FGF14: variants seen among roughly 807,000 people sequenced by gnomAD.
FGF14 encodes fibroblast growth factor 14, also known as fibroblast growth factor homologous factor 4.
A neutral mutation model predicts 25.5 loss-of-function variants in FGF14; 5 were observed. The ratio of observed to expected loss-of-function variants is 0.20; its 90% CI spans 0.10 to 0.41. The LOEUF is 0.41. FGF14 is among the 10% of genes least tolerant of loss of function. The pLI is 1.00. For synonymous variants in FGF14, 138 were observed against 118.3 expected (o/e 1.17, Z -1.08); for missense variants, 222 against 320.1 (o/e 0.69, Z 2.34).
intron 1 of FGF14, among the ~76,000 whole-genome samples, chr13:102,067,108 C>A (rs540287859): frequency 1.3e-5 from 2 of 152,272 alleles, no homozygotes; most frequent in Admixed American, 6.5e-5. Context: ...CATTTTCCCC[C>A]ACATCCTCAT....
chr13:101,777,913 G>A (rs9518539), intron 3 of FGF14, among the ~76,000 whole-genome samples: 60,116 of 151,840 alleles, frequency 0.4, 12,520 homozygotes, highest in East Asian at 0.74. Flanking sequence ...GCAGTGAGCC[G>A]AGATCGCACC....
intron 3 of FGF14, among the ~76,000 whole-genome samples, chr13:101,853,828 C>T (rs1270232113): frequency 1.3e-5 from 2 of 151,996 alleles, no homozygotes; most frequent in Admixed American, 1.3e-4. Flanking sequence ...AAAAAAATTA[C>T]AGACTGATAC....
At chr13:101,846,318 A>G (rs1040419034) in intron 3 of FGF14, among the ~76,000 whole-genome samples, 2 of 152,006 alleles carry the variant, frequency 1.3e-5, no homozygotes, top group African/African-American at 4.8e-5. Flanking sequence ...TTTTAAAAAA[A>G]AAATCATCAG....
intron 1 of FGF14, among the ~76,000 whole-genome samples, chr13:102,172,430 AAAG>A (rs569883000): frequency 2.2e-4 from 34 of 152,252 alleles, no homozygotes; most frequent in East Asian, 7.8e-4. Flanking sequence ...TTGCTGCAGA[AAAG>A]AAGGAGAATT....
intron 3 of FGF14, among the ~76,000 whole-genome samples, chr13:101,811,235 C>A (rs1011088328): frequency 3.3e-5 from 5 of 152,174 alleles, no homozygotes; most frequent in Non-Finnish European, 5.9e-5. Flanking sequence ...AATATTTTCA[C>A]TGAAGTGAAA....
intron 1 of FGF14, among the ~76,000 whole-genome samples, chr13:102,336,110 C>T (rs909744244): frequency 2.0e-5 from 3 of 152,076 alleles, no homozygotes; most frequent in East Asian, 1.9e-4. Flanking sequence ...GCATGTCTCT[C>T]GCTTTAAATA....
intron 1 of FGF14, among the ~76,000 whole-genome samples, chr13:102,322,916 AC>A (rs781516195): frequency 6.6e-6 from 1 of 152,176 alleles, no homozygotes; most frequent in Non-Finnish European, 1.5e-5. Context: ...GATATTGAAA[AC>A]AAAACAAAGT....
chr13:101,766,659 T>C (rs1377728939), intron 3 of FGF14, among the ~76,000 whole-genome samples: 2 of 152,156 alleles, frequency 1.3e-5, no homozygotes, highest in African/African-American at 4.8e-5. Flanking sequence ...AATATGACTT[T>C]ATGTGGAAAT....
intron 1 of FGF14, among the ~76,000 whole-genome samples, chr13:102,378,479 C>T (rs2058091905): frequency 6.6e-6 from 1 of 152,014 alleles, no homozygotes; most frequent in Non-Finnish European, 1.5e-5. Flanking sequence ...CAGCATAGAT[C>T]ATTTACCAGA....
intron 1 of FGF14, among the ~76,000 whole-genome samples, chr13:102,114,581 G>A (rs189702664): frequency 6.6e-6 from 1 of 152,294 alleles, no homozygotes; most frequent in East Asian, 1.9e-4. Flanking sequence ...CAACATTTAT[G>A]TTGTCATAAA....
In FGF14 at chr13:101,888,446, ATG is replaced by A. The variant is rs140919969; in HGVS notation, c.194-13152_194-13151del. On this transcript the variant is annotated intron_variant, in intron 1 of 4. Coordinates refer to ENST00000376143, the MANE Select transcript of FGF14 (RefSeq NM_004115.4). ...TACATACACATAAATATATACATGAATGTGTGTGTGTGTGTAAAATTTAAAGC... is the reference window on the plus strand; with the variant it reads ...TACATACACATAAATATATACATGAATGTGTGTGTGTGTAAAATTTAAAGC... 6.6e-5 allele frequency among the ~76,000 whole-genome samples: 10 copies of A among 151,976 alleles called. No homozygotes were observed. In the South Asian group the frequency reaches 8.3e-4, roughly 13 times the overall value.
intron 3 of FGF14, among the ~76,000 whole-genome samples, chr13:101,825,515 A>G (rs2042355281): frequency 6.6e-6 from 1 of 152,208 alleles, no homozygotes; most frequent in Admixed American, 6.5e-5. Context: ...CCGATTATTA[A>G]GAAATCTAGA....
intron 1 of FGF14, among the ~76,000 whole-genome samples, chr13:102,201,227 A>G (rs1482653584): frequency 1.3e-5 from 2 of 151,352 alleles, no homozygotes; most frequent in Non-Finnish European, 2.9e-5. Flanking sequence ...TCCTCAAGCT[A>G]GTTCATATTA....
chr13:101,793,426 T>C (rs1035788826), intron 3 of FGF14, among the ~76,000 whole-genome samples: 1 of 152,164 alleles, frequency 6.6e-6, no homozygotes, highest in Non-Finnish European at 1.5e-5. Context: ...TAAGGCTGAA[T>C]AGTATTTCAT....
chr13:101,735,856 G>T (rs1306476235), intron 3 of FGF14, among the ~76,000 whole-genome samples: 1 of 152,090 alleles, frequency 6.6e-6, no homozygotes, highest in Non-Finnish European at 1.5e-5. Context: ...TAACTGTATA[G>T]AACATTGTCT....
intron 1 of FGF14, among the ~76,000 whole-genome samples, chr13:102,066,822 T>C (rs2042923716): frequency 6.6e-6 from 1 of 152,212 alleles, no homozygotes; most frequent in African/African-American, 2.4e-5. Context: ...CTCCCCCCTT[T>C]GTACCTAGGC....
chr13:101,905,840 A>C (rs1330542073), intron 1 of FGF14, among the ~76,000 whole-genome samples: 1 of 152,096 alleles, frequency 6.6e-6, no homozygotes, highest in Non-Finnish European at 1.5e-5. Context: ...TTAATTCTAA[A>C]ACTGTACCCC....
In FGF14 at chr13:101,916,789, G is replaced by A. The variant is rs1183232935; in HGVS notation, c.-144C>T. On this transcript the variant is annotated 5_prime_UTR_variant, in exon 1 of 5. Transcript: ENST00000376143. ...CAGGCGGGACTGGGGAGAGGGGAAG[G>A]GGGGCTCAGTCCTGACCGGGACCCA... 1.4e-6 allele frequency: 1 copy of A among 719,272 alleles called. No homozygotes were observed. The highest frequency in any genetic ancestry group is 2.2e-6 in the Non-Finnish European group (1 of 454,212). The allele number at this position is 719,272 out of a possible 1,614,324, so 44.6% of individuals were successfully genotyped here. A position where few individuals can be genotyped will look rare whatever the true frequency, so the allele number is the denominator to read the frequency against.
chr13:102,352,285 ACAC>A (rs1335053720), intron 1 of FGF14, among the ~76,000 whole-genome samples: 21 of 136,840 alleles, frequency 1.5e-4, no homozygotes, highest in Admixed American at 2.9e-4. Flanking sequence ...ACACACACAC[ACAC>A]ACCTGCAACA....
Sources: allele counts gnomAD v4.1 joint callset (sites outside exome capture counted in the v4.1 genomes callset), GRCh38; gene constraint gnomAD v4.1.1; transcripts MANE v1.5; gene names NCBI Gene and HGNC (gene_info 2026-07-23, HGNC 2026-07-21).